The following UBR3 variants were observed in gnomAD, a reference collection of about 807,000 sequenced individuals.
UBR3 encodes the protein E3 ubiquitin-protein ligase UBR3.
Under a neutral mutation model 243.2 loss-of-function variants are expected in UBR3, and 85 were observed. That is an observed-to-expected ratio of 0.35 (90% CI 0.29 to 0.42). The LOEUF is 0.42. Ranked by LOEUF, UBR3 falls within the 10% of genes least tolerant of loss-of-function variation. The probability of loss-of-function intolerance (pLI) is 1.00; values close to 1 mark genes in which losing one functional copy is unlikely to be tolerated. For synonymous variants in UBR3, 748 were observed against 799.8 expected, an observed-to-expected ratio of 0.94 and a Z score of 1.09; for missense variants, 1,686 against 2,300.8, an observed-to-expected ratio of 0.73 and a Z score of 5.47.
chr2:169,959,043 G>A (rs545126104), intron 24 of UBR3, among the ~76,000 whole-genome samples: 1 of 152,208 alleles, frequency 6.6e-6, no homozygotes, highest in African/African-American at 2.4e-5. Context: ...TTAAATCTCA[G>A]TGTCAGTCTT....
At chr2:169,862,938 A>T (rs1156784634) in intron 1 of UBR3, among the ~76,000 whole-genome samples, 1 of 152,192 alleles carries the variant, frequency 6.6e-6, no homozygotes, top group Non-Finnish European at 1.5e-5. Context: ...ATGCAGAATA[A>T]TGTGTATCTG....
intron 1 of UBR3, among the ~76,000 whole-genome samples, chr2:169,869,725 A>G (rs919183175): frequency 6.6e-6 from 1 of 152,158 alleles, no homozygotes; most frequent in Non-Finnish European, 1.5e-5. Flanking sequence ...TGGTTTCTCC[A>G]GTTATTCATT....
At chr2:169,990,603 TGGA>T (rs1053956166) in intron 25 of UBR3, among the ~76,000 whole-genome samples, 19 of 151,702 alleles carry the variant, frequency 1.3e-4, no homozygotes, top group Non-Finnish European at 2.8e-4. Context: ...GGAAGGGGGA[TGGA>T]GGAGTTTTTG....
intron 19 of UBR3, 142 bp from the exon 20 acceptor site, chr2:169,942,351 C>T (rs1489612396): frequency 5.2e-6 from 4 of 763,420 alleles, no homozygotes; most frequent in Non-Finnish European, 8.1e-6. Flanking sequence ...AGAATAGATA[C>T]CTCTTTGGCA....
intron 6 of UBR3, among the ~76,000 whole-genome samples, chr2:169,893,376 G>T (rs1402918766): frequency 6.6e-6 from 1 of 152,116 alleles, no homozygotes; most frequent in African/African-American, 2.4e-5. Flanking sequence ...CCTAATGCAG[G>T]CTTGCAGAGT....
intron 19 of UBR3, among the ~76,000 whole-genome samples, chr2:169,933,571 A>AT (rs2086217814): frequency 6.6e-6 from 1 of 152,184 alleles, no homozygotes; most frequent in African/African-American, 2.4e-5. Flanking sequence ...TAAATGTATT[A>AT]TTTCACCTCT....
At chr2:170,021,126 T>G (rs1454983621) in intron 30 of UBR3, among the ~76,000 whole-genome samples, 2 of 152,192 alleles carry the variant, frequency 1.3e-5, no homozygotes, top group Admixed American at 1.3e-4. Context: ...ATCAGAGGAT[T>G]GTTGTAAGAA....
At chr2:169,907,190 G>A (rs1212120523) in intron 10 of UBR3, among the ~76,000 whole-genome samples, 1 of 151,214 alleles carries the variant, frequency 6.6e-6, no homozygotes, top group Non-Finnish European at 1.5e-5. Flanking sequence ...GTGTGCACCG[G>A]CACACCTGGC....
chr2:169,925,511 G>T, intron 13 of UBR3, 108 bp from the exon 14 acceptor site: 2 of 940,026 alleles, frequency 2.1e-6, no homozygotes, highest in South Asian at 2.4e-5. Flanking sequence ...ACAGAATATC[G>T]GGCTTATACT....
At chr2:170,023,108 A>G (rs187835869) in intron 30 of UBR3, among the ~76,000 whole-genome samples, 4 of 151,864 alleles carry the variant, frequency 2.6e-5, no homozygotes, top group Admixed American at 2.0e-4. Context: ...CTCCACCCCC[A>G]TGATATTTCA....
intron 26 of UBR3, among the ~76,000 whole-genome samples, chr2:169,996,537 G>GTTATT (rs1176475516): frequency 6.6e-6 from 1 of 152,026 alleles, no homozygotes; most frequent in Non-Finnish European, 1.5e-5. Context: ...TTTGGGTTAG[G>GTTATT]TAATAAGGGT....
intron 32 of UBR3, among the ~76,000 whole-genome samples, chr2:170,043,025 G>T (rs1027511128): frequency 6.6e-6 from 1 of 152,006 alleles, no homozygotes; most frequent in East Asian, 1.9e-4. Flanking sequence ...CTTGGATCAT[G>T]CTGGTTTACT....
intron 29 of UBR3, among the ~76,000 whole-genome samples, chr2:170,010,811 A>G (rs2090060370): frequency 6.6e-6 from 1 of 152,132 alleles, no homozygotes; most frequent in Admixed American, 6.6e-5. Flanking sequence ...ATTCCCCAAA[A>G]TATTGCAAAG....
intron 7 of UBR3, 64 bp downstream of exon 7, chr2:169,895,375 T>C: frequency 7.5e-6 from 11 of 1,461,186 alleles, no homozygotes; most frequent in Non-Finnish European, 1.0e-5. Flanking sequence ...CATTATTAAA[T>C]CTTTTTTTGA....
chr2:169,926,828 C>T lies in UBR3; in HGVS notation c.2205-10C>T. 1 of 1,546,620 alleles carries T rather than the reference C, an allele frequency of 6.5e-7. No individual in the cohort carries two copies. The highest frequency in any genetic ancestry group is 8.7e-7 in the Non-Finnish European group (1 of 1,144,766). ...TTATAAAAATATGTTTCAAATATTTCTTCTTGTAGATTTAAGGTAGTGGAT... is the reference window on the plus strand; with the variant it reads ...TTATAAAAATATGTTTCAAATATTTTTTCTTGTAGATTTAAGGTAGTGGAT... On this transcript the variant is annotated splice_polypyrimidine_tract_variant and intron_variant, in intron 15 of 38. Coordinates refer to ENST00000272793, the MANE Select transcript of UBR3 (RefSeq NM_172070.4).
intron 10 of UBR3, among the ~76,000 whole-genome samples, chr2:169,913,361 T>TG (rs946734368): frequency 2.6e-4 from 12 of 46,350 alleles, no homozygotes; most frequent in East Asian, 1.4e-3. Flanking sequence ...TTGTTTTTTG[T>TG]TTTTTTTTTT....
At chr2:169,857,081 T>TTTTTTTTTTTTTTTTTTTTTTTTTTC (rs2082910521) in intron 1 of UBR3, among the ~76,000 whole-genome samples, 1 of 129,686 alleles carries the variant, frequency 7.7e-6, no homozygotes, top group African/African-American at 2.9e-5. Context: ...TTTTTTTTTT[T>TTTTTTTTTTTTTTTTTTTTTTTTTTC]TTTTTTTTTT....
Position 169,936,564 on chromosome 2 carries a change from C to T in UBR3, c.2663+3556C>T, listed in dbSNP as rs1282390706. Among the ~76,000 whole-genome samples the T allele has an allele frequency of 2.6e-5, 4 of 151,670 alleles. No individual in the cohort carries two copies. The East Asian group carries it at 7.7e-4, about 29-fold the overall frequency. The stretch of plus-strand genomic sequence containing the variant: ...TACTTTAAGTTCTAGGGTACATGTG[C>T]ACAATGTGCAGGTTTCTTACATATG... On this transcript the variant is annotated intron_variant, in intron 19 of 38. Coordinates refer to ENST00000272793, the MANE Select transcript of UBR3 (RefSeq NM_172070.4).
At chr2:169,969,997 T>A (rs1192713043) in intron 24 of UBR3, among the ~76,000 whole-genome samples, 1 of 149,766 alleles carries the variant, frequency 6.7e-6, no homozygotes, top group Admixed American at 6.7e-5. Context: ...GTTTTGTGGT[T>A]CCATATCATA....
Sources: gnomAD v4.1 joint callset for allele counts (sites outside exome capture counted in the v4.1 genomes callset) on GRCh38, gnomAD v4.1.1 for gene constraint, MANE v1.5 for transcripts, NCBI Gene and HGNC (gene_info 2026-07-23, HGNC 2026-07-21) for gene names.